NCK2: variants seen among roughly 807,000 people sequenced by gnomAD.
The protein encoded by NCK2 is NCK adaptor protein 2.
Under a neutral mutation model 33.9 loss-of-function variants are expected in NCK2, and 16 were observed. The observed-to-expected ratio is 0.47, with a 90% CI of 0.32 to 0.72. The LOEUF is 0.72. NCK2 is among the 30% of genes least tolerant of loss of function. The probability of loss-of-function intolerance (pLI) is 0.03; values close to 1 mark genes in which losing one functional copy is unlikely to be tolerated. For synonymous variants in NCK2, 273 were observed against 239.9 expected (o/e 1.14, Z -1.27); for missense variants, 418 against 537.3 (o/e 0.78, Z 2.19).
intron 4 of NCK2, among the ~76,000 whole-genome samples, chr2:105,887,538 A>T (rs1007251534): frequency 1.3e-5 from 2 of 152,184 alleles, no homozygotes; most frequent in African/African-American, 4.8e-5. Context: ...CATAAAGTCC[A>T]AAGTGAAAGA....
chr2:105,884,692 T>C (rs1678648638), intron 4 of NCK2, among the ~76,000 whole-genome samples: 1 of 152,228 alleles, frequency 6.6e-6, no homozygotes. Flanking sequence ...ATTTCAGAAG[T>C]ATCTGTTGGA....
At chr2:105,825,308 G>A (rs900163126) in intron 2 of NCK2, among the ~76,000 whole-genome samples, 3 of 152,136 alleles carry the variant, frequency 2.0e-5, no homozygotes, top group South Asian at 2.1e-4. Context: ...TTTCATTTGC[G>A]AGTTTTCATG....
At chr2:105,847,827 G>A (rs1005671848) in intron 2 of NCK2, among the ~76,000 whole-genome samples, 5 of 152,094 alleles carry the variant, frequency 3.3e-5, no homozygotes, top group African/African-American at 1.2e-4. Flanking sequence ...GTTAGATGCT[G>A]TGGTTGCATC....
intron 2 of NCK2, among the ~76,000 whole-genome samples, chr2:105,823,153 T>C (rs992391844): frequency 7.3e-5 from 11 of 151,484 alleles, no homozygotes; most frequent in Admixed American, 2.0e-4. Context: ...TGTGTGTGTG[T>C]GTGTGTGTGT....
At chr2:105,758,337 A>T (rs1307894059) in intron 1 of NCK2, among the ~76,000 whole-genome samples, 1 of 150,924 alleles carries the variant, frequency 6.6e-6, no homozygotes, top group African/African-American at 2.4e-5. Context: ...TATCCTATTG[A>T]TGGTTTCATT....
intron 1 of NCK2, among the ~76,000 whole-genome samples, chr2:105,767,319 A>G (rs903149497): frequency 1.3e-5 from 2 of 152,236 alleles, no homozygotes; most frequent in African/African-American, 4.8e-5. Flanking sequence ...TTAGAAGCCT[A>G]ACAGGAAGTT....
chr2:105,850,739 T>G (rs1023287953), intron 2 of NCK2, among the ~76,000 whole-genome samples: 4 of 152,230 alleles, frequency 2.6e-5, no homozygotes, highest in East Asian at 1.9e-4. Context: ...ATCTCTGACT[T>G]AAAATTTCAG....
In NCK2 at chr2:105,892,999, G is replaced by A. The variant is rs771185679; in HGVS notation, c.966G>A (p.Val322=). Reference sequence around the variant, plus strand: ...CTCCCCAGCCCAGCGACTTCTCCGTGTCCCTTAAAGCGTCAGGGAAGAACA... The same window carrying A: ...CTCCCCAGCCCAGCGACTTCTCCGTATCCCTTAAAGCGTCAGGGAAGAACA... ...DSESSPSDFS[V]SLKASGKNKH... is the part of the protein sequence containing the mutation. The change falls in exon 5 of 5, where the codon GTG becomes GTA. Residue 322 remains valine (V), a synonymous_variant. Coordinates refer to ENST00000233154, the MANE Select transcript of NCK2 (RefSeq NM_003581.5). The A allele has an allele frequency of 1.9e-6, 3 of 1,609,598 alleles. No individual in the cohort carries two copies. The highest frequency in any genetic ancestry group is 1.7e-6 in the Non-Finnish European group (2 of 1,176,262).
intron 2 of NCK2, among the ~76,000 whole-genome samples, chr2:105,834,842 A>ATTTTAT (rs1255881866): frequency 4.6e-5 from 7 of 151,616 alleles, no homozygotes; most frequent in African/African-American, 1.5e-4. Flanking sequence ...GTCTGGCTAA[A>ATTTTAT]TTTTATTTTT....
At chr2:105,830,871 C>T (rs1676160456) in intron 2 of NCK2, among the ~76,000 whole-genome samples, 2 of 152,032 alleles carry the variant, frequency 1.3e-5, no homozygotes, top group Admixed American at 1.3e-4. Flanking sequence ...ATCCTTTGAT[C>T]ATTTTTAAAA....
chr2:105,855,038 T>TTGCTGGCA lies in NCK2; in HGVS notation c.-16-9_-16-2dup. ...TCTCTAATGAGCATCTCCAAATGTTTTGCTGGCAGAAGGACTCCATGAAAG... is the reference window on the plus strand; with the variant it reads ...TCTCTAATGAGCATCTCCAAATGTTTTGCTGGCATGCTGGCAGAAGGACTCCATGAAAG... On this transcript the variant is annotated splice_polypyrimidine_tract_variant and intron_variant, in intron 2 of 4. Transcript: ENST00000233154. The TTGCTGGCA allele has an allele frequency of 6.2e-7, 1 of 1,601,372 alleles. No homozygotes were observed. Among genetic ancestry groups the TTGCTGGCA allele is most frequent in the Non-Finnish European group, 8.6e-7 (1 of 1,168,498 alleles).
chr2:105,879,746 C>T (rs1024585500), intron 3 of NCK2, among the ~76,000 whole-genome samples: 1 of 152,256 alleles, frequency 6.6e-6, no homozygotes, highest in Non-Finnish European at 1.5e-5. Flanking sequence ...GGACAATCAG[C>T]CTTTTTACCC....
chr2:105,874,725 A>G (rs1018015252), intron 3 of NCK2, among the ~76,000 whole-genome samples: 7 of 152,356 alleles, frequency 4.6e-5, no homozygotes, highest in East Asian at 1.9e-4. Flanking sequence ...ATCTGTTACA[A>G]CATCTCTTCA....
intron 1 of NCK2, among the ~76,000 whole-genome samples, chr2:105,796,173 C>G (rs1691075264): frequency 6.6e-6 from 1 of 152,168 alleles, no homozygotes; most frequent in African/African-American, 2.4e-5. Context: ...TTGATAGTCT[C>G]TGTATTGGCC....
intron 2 of NCK2, chr2:105,846,567 A>G (rs1370257059): frequency 2.6e-5 from 4 of 152,294 alleles, no homozygotes; most frequent in South Asian, 2.1e-4. Flanking sequence ...GAGAATTGCT[A>G]TGTGCTAATA....
intron 1 of NCK2, among the ~76,000 whole-genome samples, chr2:105,751,477 G>A (rs1421798241): frequency 6.6e-6 from 1 of 152,142 alleles, no homozygotes; most frequent in Non-Finnish European, 1.5e-5. Context: ...CCCCAGCATG[G>A]CAGTCATGGG....
intron 1 of NCK2, among the ~76,000 whole-genome samples, chr2:105,806,179 A>G (rs543384608): frequency 6.6e-6 from 1 of 151,496 alleles, no homozygotes; most frequent in South Asian, 2.1e-4. Context: ...TCAGCCTTGT[A>G]TATGTATGTG....
intron 1 of NCK2, among the ~76,000 whole-genome samples, chr2:105,813,736 G>A (rs913408105): frequency 2.6e-5 from 4 of 152,202 alleles, no homozygotes; most frequent in African/African-American, 9.7e-5. Flanking sequence ...AAAACCCTGG[G>A]TTGTGGCTTT....
chr2:105,777,093 A>T (rs775515605), intron 1 of NCK2, among the ~76,000 whole-genome samples: 15 of 152,042 alleles, frequency 9.9e-5, no homozygotes, highest in Non-Finnish European at 1.9e-4. Context: ...GCCTGAGAGC[A>T]GGTGCTCTCC....
Sources: allele counts gnomAD v4.1 joint callset (sites outside exome capture counted in the v4.1 genomes callset), GRCh38; gene constraint gnomAD v4.1.1; transcripts MANE v1.5; gene names NCBI Gene and HGNC (gene_info 2026-07-23, HGNC 2026-07-21).